Variants in SEPTIN2 observed in about 807,000 individuals in gnomAD.
SEPTIN2 encodes septin-2.
SEPTIN2 carries 34 observed loss-of-function variants against 46.5 expected under a neutral mutation model. The ratio of observed to expected loss-of-function variants is 0.73; its 90% CI spans 0.56 to 0.97. The LOEUF is 0.97. Among genes scored for constraint, SEPTIN2 ranks in the 50% least tolerant of loss-of-function variants. The pLI is 0.00. For missense variants in SEPTIN2, 347 were observed against 448.4 expected, an observed-to-expected ratio of 0.77 and a Z score of 2.04; for synonymous variants, 175 against 153.4, an observed-to-expected ratio of 1.14 and a Z score of -1.04.
chr2:241,349,238 A>G (rs1374985302), intron 11 of SEPTIN2, among the ~76,000 whole-genome samples: 2 of 151,920 alleles, frequency 1.3e-5, no homozygotes, highest in East Asian at 1.9e-4. Flanking sequence ...GCATGTCGGC[A>G]TGCACCTGTA....
intron 7 of SEPTIN2, among the ~76,000 whole-genome samples, chr2:241,338,945 TTA>T (rs565751048): frequency 0.12 from 11,866 of 102,368 alleles, 819 homozygotes; most frequent in Non-Finnish European, 0.14. Context: ...ATTATATATA[TTA>T]TATATATAAT....
intron 1 of SEPTIN2, chr2:241,320,060 AG>A: frequency 2.9e-6 from 1 of 343,834 alleles, no homozygotes; most frequent in South Asian, 2.3e-5. Flanking sequence ...TATTGTATTC[AG>A]GATTTTTGCA....
At chr2:241,345,407 G>C (rs762050538) in intron 9 of SEPTIN2, among the ~76,000 whole-genome samples, 24 of 152,000 alleles carry the variant, frequency 1.6e-4, no homozygotes, top group Non-Finnish European at 1.8e-4. Flanking sequence ...ATTATTGAGG[G>C]GGGTGTAGAG....
At chr2:241,338,237 G>GC (rs1399228150) in intron 7 of SEPTIN2, among the ~76,000 whole-genome samples, 4 of 152,158 alleles carry the variant, frequency 2.6e-5, no homozygotes, top group African/African-American at 9.7e-5. Context: ...TCACCCGCCA[G>GC]CAGCTCCTGT....
chr2:241,333,137 G>A (rs1349988737), intron 3 of SEPTIN2, among the ~76,000 whole-genome samples: 1 of 152,110 alleles, frequency 6.6e-6, no homozygotes, highest in Non-Finnish European at 1.5e-5. Flanking sequence ...AATAAAACAG[G>A]TAGGGGGTTG....
At chr2:241,325,477 A>G (rs970338653) in intron 2 of SEPTIN2, among the ~76,000 whole-genome samples, 5 of 152,184 alleles carry the variant, frequency 3.3e-5, no homozygotes, top group South Asian at 2.1e-4. Flanking sequence ...ACTCTGTTCT[A>G]TAGAGCTAGA....
At chr2:241,323,276 T>C (rs1361692421) in intron 1 of SEPTIN2, among the ~76,000 whole-genome samples, 1 of 152,120 alleles carries the variant, frequency 6.6e-6, no homozygotes, top group Non-Finnish European at 1.5e-5. Flanking sequence ...GTTCAAGCGA[T>C]TCTCCTGTCT....
rs1473784518 is a variant in SEPTIN2, at chr2:241,317,423, C to T, written c.-18+1441C>T. 3.0e-5 allele frequency: 13 copies of T among 438,676 alleles called. No homozygotes were observed. The Admixed American group carries it at 6.4e-4, about 22-fold the overall frequency. 27.2% of individuals were successfully genotyped at this position (438,676 alleles called of 1,614,324 possible). The stretch of plus-strand genomic sequence containing the variant: ...ACTGGCTCTTAAACTAGCAAGGTGA[C>T]CTAGGGAAAGGGGCCAGGGTTTCCC... On this transcript the variant is annotated intron_variant, in intron 1 of 12. Coordinates refer to ENST00000391971, the MANE Select transcript of SEPTIN2 (RefSeq NM_004404.5).
intron 5 of SEPTIN2, chr2:241,336,726 G>C (rs1201038517): frequency 5.9e-6 from 1 of 170,826 alleles, no homozygotes; most frequent in East Asian, 1.9e-4. Flanking sequence ...TCCCAGCTCA[G>C]ATAAACCTGT....
At chr2:241,318,309 T>G (rs924273907) in intron 1 of SEPTIN2, 7 of 152,346 alleles carry the variant, frequency 4.6e-5, no homozygotes, top group African/African-American at 1.7e-4. Flanking sequence ...TTGCACTGTG[T>G]GGGTTTGAAA....
At chr2:241,330,369 A>G (rs896530523) in intron 3 of SEPTIN2, among the ~76,000 whole-genome samples, 1 of 152,238 alleles carries the variant, frequency 6.6e-6, no homozygotes, top group Non-Finnish European at 1.5e-5. Flanking sequence ...TTAAAAAATA[A>G]TGACTGCACC....
At chr2:241,336,221 A>G (rs914096448) in intron 5 of SEPTIN2, 123 bp downstream of exon 5, 5 of 997,896 alleles carry the variant, frequency 5.0e-6, no homozygotes, top group Admixed American at 3.0e-5. Context: ...CACCTAGACA[A>G]TTTAAAGCGT....
At chr2:241,346,274 T>G in intron 10 of SEPTIN2, 25 bp downstream of exon 10, 1 of 1,594,694 alleles carries the variant, frequency 6.3e-7, no homozygotes, top group Non-Finnish European at 8.6e-7. Context: ...CCCCTTTCTC[T>G]GTATTGTGTC....
Position 241,325,993 on chromosome 2 carries a change from C to T in SEPTIN2, c.10C>T (p.Gln4Ter). The T allele has an allele frequency of 6.2e-7, 1 of 1,610,716 alleles. No individual in the cohort carries two copies. The highest frequency in any genetic ancestry group is 8.5e-7 in the Non-Finnish European group (1 of 1,178,666). The stretch of plus-strand genomic sequence containing the variant: ...TTGTTTGTTTTTTAATCTTATTTAG[C>T]AACAGCCAACTCAGTTTATAAATCC... MSK[Q>*]QPTQFINPET... is the part of the protein sequence containing the mutation. Residue 4 changes from glutamine (Q) to a stop codon, truncating the protein, a stop_gained and splice_region_variant, in exon 3 of 13, where the codon CAA (glutamine) becomes TAA (stop). Coordinates refer to ENST00000391971, the MANE Select transcript of SEPTIN2 (RefSeq NM_004404.5). LOFTEE classifies it high-confidence loss of function.
At position 241,350,063 on chromosome 2, in the gene SEPTIN2, G is replaced by A. The variant is rs777471770; in HGVS notation, c.985-10G>A. 6.2e-7 allele frequency: 1 copy of A among 1,612,730 alleles called. No individual in the cohort carries two copies. The highest frequency in any genetic ancestry group is 8.5e-7 in the Non-Finnish European group (1 of 1,179,186). On this transcript the variant is annotated splice_polypyrimidine_tract_variant and intron_variant, in intron 11 of 12. Transcript: ENST00000391971. ...CCTTGAAAACCTATAATGTGTGTGTGTGTTCACAGCTCCGCCGCATGCAAG... is the reference window on the plus strand; with the variant it reads ...CCTTGAAAACCTATAATGTGTGTGTATGTTCACAGCTCCGCCGCATGCAAG...
rs1276471311 is a variant in SEPTIN2, at chr2:241,352,033, T to A, written c.*96T>A. 6.5e-6 allele frequency: 1 copy of A among 152,686 alleles called. No individual in the cohort carries two copies. The highest frequency in any genetic ancestry group is 1.5e-5 in the Non-Finnish European group (1 of 68,050). The allele number at this position is 152,686 out of a possible 1,614,324, so 9.5% of individuals were successfully genotyped here. On this transcript the variant is annotated 3_prime_UTR_variant, in exon 13 of 13. Coordinates refer to ENST00000391971, the MANE Select transcript of SEPTIN2 (RefSeq NM_004404.5). ...TGATCCAGCTGTGTGTTTTCAATCC[T>A]TGGGAGGGTGCCATCCACATTTTAA...
chr2:241,335,147 C>A lies in SEPTIN2; in HGVS notation c.152C>A (p.Ser51Ter). The change falls in exon 4 of 13, where the codon TCG (serine) becomes TAG (stop). Residue 51 changes from serine (S) to a stop codon, truncating the protein, a stop_gained. Transcript: ENST00000391971. LOFTEE classifies it high-confidence loss of function. ...AAAGGTGAATCAGGTCTAGGAAAAT[C>A]GACTCTCATAAACAGCCTATTCCTA... ...MVVGESGLGKSTLINSLFLTD... is the reference protein window; with the variant it reads ...MVVGESGLGK The A allele has an allele frequency of 1.9e-6, 3 of 1,613,176 alleles. No individual in the cohort carries two copies. The highest frequency in any genetic ancestry group is 1.1e-5 in the South Asian group (1 of 90,994).
intron 1 of SEPTIN2, among the ~76,000 whole-genome samples, chr2:241,319,919 T>C (rs969586854): frequency 6.6e-6 from 1 of 152,228 alleles, no homozygotes; most frequent in Non-Finnish European, 1.5e-5. Flanking sequence ...GTTTTCATTA[T>C]GATTGGTTGC....
chr2:241,327,898 T>C lies in SEPTIN2; in HGVS notation c.130+1785T>C, dbSNP rs189495904. On this transcript the variant is annotated intron_variant, in intron 3 of 12. Transcript: ENST00000391971. ...TGAAACCCTGTCTGTACAAAAGATATAAAAATTAGCCAGCCTTGGTGGGGG... is the reference window on the plus strand; with the variant it reads ...TGAAACCCTGTCTGTACAAAAGATACAAAAATTAGCCAGCCTTGGTGGGGG... Among the ~76,000 whole-genome samples, 21 of 151,688 alleles carry C rather than the reference T, an allele frequency of 1.4e-4. No homozygotes were observed. The East Asian group carries it at 4.1e-3, about 30-fold the overall frequency.
Sources: allele counts gnomAD v4.1 joint callset (sites outside exome capture counted in the v4.1 genomes callset), GRCh38; gene constraint gnomAD v4.1.1; transcripts MANE v1.5; gene names NCBI Gene and HGNC (gene_info 2026-07-23, HGNC 2026-07-21).